Variants in GOLGB1 observed in about 807,000 individuals in gnomAD.
GOLGB1 encodes the protein golgin subfamily B member 1.
A neutral mutation model predicts 336.9 loss-of-function variants in GOLGB1; 174 were observed. That is an observed-to-expected ratio of 0.52 (90% confidence interval 0.46 to 0.59). The LOEUF (loss-of-function observed/expected upper bound fraction) is 0.59. Ranked by LOEUF, GOLGB1 falls within the 20% of genes least tolerant of loss-of-function variation. The probability of loss-of-function intolerance (pLI) is 0.00; values close to 1 mark genes in which losing one functional copy is unlikely to be tolerated. For synonymous variants in GOLGB1, 1,208 were observed against 1,289.2 expected (o/e 0.94, Z 1.35); for missense variants, 3,331 against 3,645.3 (o/e 0.91, Z 2.22).
chr3:121,689,097 C>T (rs1303694102), intron 14 of GOLGB1, among the ~76,000 whole-genome samples: 7 of 151,790 alleles, frequency 4.6e-5, no homozygotes, highest in African/African-American at 7.2e-5. Context: ...CCAGCCGCCC[C>T]GTCCGGGAGG....
At position 121,681,667 on chromosome 3, in the gene GOLGB1, G is replaced by A; in HGVS notation, c.8873+20C>T. ...AAGTTAAAATGAAAAGAGTTGAAAA[G>A]GAGGGATTATATATAGTACCTGAGC... is the stretch of plus-strand genomic sequence containing the variant. On this transcript the variant is annotated intron_variant, in intron 15 of 21. Coordinates refer to ENST00000614479, the MANE Select transcript of GOLGB1 (RefSeq NM_001366282.2). 1.3e-6 allele frequency: 2 copies of A among 1,497,540 alleles called. No homozygotes were observed. The highest frequency in any genetic ancestry group is 1.2e-5 in the South Asian group (1 of 82,490). The allele number at this position is 1,497,540 out of a possible 1,614,324, so 92.8% of individuals were successfully genotyped here. A position where few individuals can be genotyped will look rare whatever the true frequency, so the allele number is the denominator to read the frequency against.
intron 14 of GOLGB1, among the ~76,000 whole-genome samples, chr3:121,683,052 AATTTTTT>A (rs1941268162): frequency 2.5e-5 from 2 of 81,206 alleles, no homozygotes; most frequent in African/African-American, 8.2e-5. Flanking sequence ...AATTTCTTTT[AATTTTTT>A]TTTTTTTTTT....
At chr3:121,686,194 A>G (rs1941703442) in intron 14 of GOLGB1, among the ~76,000 whole-genome samples, 1 of 152,206 alleles carries the variant, frequency 6.6e-6, no homozygotes, top group African/African-American at 2.4e-5. Flanking sequence ...ACAGGCCTCA[A>G]TACTTAAAGA....
rs1942819661 is a variant in GOLGB1 at position 121,695,120 on chromosome 3, C to G, written c.5403G>C (p.Glu1801Asp). 6.2e-7 allele frequency: 1 copy of G among 1,613,550 alleles called. No homozygotes were observed. Among genetic ancestry groups the G allele is most frequent in the Admixed American group, 1.7e-5 (1 of 59,940 alleles). Residue 1801 changes from glutamate to aspartate, a missense_variant, in exon 13 of 22, where the codon GAG (glutamate) becomes GAC (aspartate). Physicochemically the swap from Glu to Asp is conservative, Grantham distance 45. Transcript: ENST00000614479. ...TACTCAGAGAGTCTTGCTCTTCAGT[C>G]TCACCTGGTATAGACTGTGTTCCCT... ...TEEGTQSIPGETEEQDSLSMS... is the reference protein window; with the variant it reads ...TEEGTQSIPGDTEEQDSLSMS...
chr3:121,730,340 T>TA, intron 2 of GOLGB1: 1 of 224,422 alleles, frequency 4.5e-6, no homozygotes. Flanking sequence ...TAAGTAAAAC[T>TA]CTCTTAACCA....
At chr3:121,739,761 T>C (rs906463128) in intron 1 of GOLGB1, among the ~76,000 whole-genome samples, 2 of 152,172 alleles carry the variant, frequency 1.3e-5, no homozygotes, top group Admixed American at 6.5e-5. Flanking sequence ...GAACCTGCTG[T>C]ATATAAACAT....
At chr3:121,746,855 G>T (rs1165044309) in intron 1 of GOLGB1, among the ~76,000 whole-genome samples, 2 of 151,744 alleles carry the variant, frequency 1.3e-5, no homozygotes, top group Non-Finnish European at 2.9e-5. Flanking sequence ...AGTAAACTAA[G>T]GCAGAGGGAT....
chr3:121,673,534 T>C (rs1363204532), intron 17 of GOLGB1, among the ~76,000 whole-genome samples: 3 of 152,364 alleles, frequency 2.0e-5, no homozygotes, highest in South Asian at 2.1e-4. Context: ...ATTTTAATGA[T>C]ATTAATTCTT....
At chr3:121,703,245 G>C (rs1405691201) in intron 10 of GOLGB1, among the ~76,000 whole-genome samples, 1 of 152,084 alleles carries the variant, frequency 6.6e-6, no homozygotes, top group African/African-American at 2.4e-5. Context: ...TAAGCCATGA[G>C]GGTCTTTACA....
Position 121,694,432 on chromosome 3 carries a change from T to C in GOLGB1, c.6091A>G (p.Lys2031Glu). Residue 2031 changes from lysine to glutamate, a missense_variant, in exon 13 of 22, where the codon AAG becomes GAG. Transcript: ENST00000614479. ...EKQQEVKQLQ[K>E]DCIRYQEKIS... is the part of the protein sequence containing the mutation. Reference sequence around the variant, plus strand: ...TTCTCTTGATACCTGATGCAGTCCTTCTGTAGCTGCTTTACTTCTTGTTGT... The same window carrying C: ...TTCTCTTGATACCTGATGCAGTCCTCCTGTAGCTGCTTTACTTCTTGTTGT... 3.1e-6 allele frequency: 5 copies of C among 1,613,570 alleles called. No homozygotes were observed. Among genetic ancestry groups the C allele is most frequent in the Non-Finnish European group, 4.2e-6 (5 of 1,179,768 alleles).
At chr3:121,690,200 C>T (rs1313583246) in intron 14 of GOLGB1, among the ~76,000 whole-genome samples, 1 of 152,092 alleles carries the variant, frequency 6.6e-6, no homozygotes, top group Non-Finnish European at 1.5e-5. Context: ...GGTTGAGTTA[C>T]CCATGAGATG....
intron 1 of GOLGB1, among the ~76,000 whole-genome samples, chr3:121,733,946 T>G (rs1174956240): frequency 1.3e-5 from 2 of 152,092 alleles, no homozygotes; most frequent in African/African-American, 4.8e-5. Flanking sequence ...GTTTTAGAAA[T>G]AAACATAGGA....
intron 14 of GOLGB1, among the ~76,000 whole-genome samples, chr3:121,687,034 G>A (rs1383311401): frequency 1.3e-5 from 2 of 152,160 alleles, no homozygotes; most frequent in Non-Finnish European, 2.9e-5. Flanking sequence ...AGCACTTTGG[G>A]AGCCGAGGCA....
chr3:121,727,133 A>G (rs541847587), intron 4 of GOLGB1, 92 bp from the exon 5 acceptor site: 1 of 696,718 alleles, frequency 1.4e-6, no homozygotes, highest in East Asian at 3.9e-5. Flanking sequence ...ACAACCATTT[A>G]GTTATAATTT....
intron 1 of GOLGB1, among the ~76,000 whole-genome samples, chr3:121,735,544 C>T (rs953811692): frequency 7.2e-5 from 11 of 152,086 alleles, no homozygotes; most frequent in African/African-American, 2.7e-4. Flanking sequence ...CTTCATTGTA[C>T]ACTAGGGTTA....
chr3:121,704,852 C>T (rs1408705411), intron 10 of GOLGB1, among the ~76,000 whole-genome samples: 1 of 148,986 alleles, frequency 6.7e-6, no homozygotes, highest in African/African-American at 2.5e-5. Context: ...AAATATCATT[C>T]AAGAATAAAA....
chr3:121,681,240 G>A (rs974978882), intron 15 of GOLGB1, among the ~76,000 whole-genome samples: 2 of 152,186 alleles, frequency 1.3e-5, no homozygotes, highest in African/African-American at 4.8e-5. Context: ...TATACTGCAA[G>A]ATTCCAGTTA....
In GOLGB1 at chr3:121,729,885, G is replaced by A; in HGVS notation, c.229C>T (p.Gln77Ter). ...AGTACCTGTAGAGCTTCATCTTTCT[G>A]CTGCAGTTGAACATCCTTCTGTCTA... ...IIRQKDVQLQ[Q>*]KDEALQEERK... is the part of the protein sequence containing the mutation. The change falls in exon 3 of 22, where the codon CAG becomes TAG. Residue 77 changes from glutamine (Q) to a stop codon, truncating the protein, a stop_gained. Transcript: ENST00000614479. LOFTEE classifies it high-confidence loss of function. The A allele has an allele frequency of 1.9e-6, 3 of 1,612,004 alleles. No homozygotes were observed. Among genetic ancestry groups the A allele is most frequent in the Non-Finnish European group, 2.5e-6 (3 of 1,178,410 alleles).
chr3:121,715,059 T>C (rs55964762), intron 9 of GOLGB1, 83 bp from the exon 10 acceptor site: 82,398 of 737,408 alleles, frequency 0.11, 5,307 homozygotes, highest in African/African-American at 0.2. Context: ...ATACACTGTA[T>C]GCTGTTTACT....
Sources: allele counts gnomAD v4.1 joint callset (sites outside exome capture counted in the v4.1 genomes callset), GRCh38; gene constraint gnomAD v4.1.1; transcripts MANE v1.5; gene names NCBI Gene and HGNC (gene_info 2026-07-23, HGNC 2026-07-21).